Variants in FAM222B observed in about 807,000 individuals in gnomAD.
The protein encoded by FAM222B is protein FAM222B.
A neutral mutation model predicts 38.0 loss-of-function variants in FAM222B; 12 were observed. That is an observed-to-expected ratio of 0.32 (90% CI 0.20 to 0.51). FAM222B has a LOEUF of 0.51. Ranked by LOEUF, FAM222B falls within the 20% of genes least tolerant of loss-of-function variation. FAM222B has a pLI of 0.97. For synonymous variants in FAM222B, 329 were observed against 317.2 expected (o/e 1.04, Z -0.40); for missense variants, 716 against 754.2 (o/e 0.95, Z 0.59).
At chr17:28,829,085 T>C (rs2038553522) in intron 1 of FAM222B, among the ~76,000 whole-genome samples, 1 of 151,998 alleles carries the variant, frequency 6.6e-6, no homozygotes, top group South Asian at 2.1e-4. Context: ...TTTGTATTTT[T>C]AGTAGAGATG....
intron 2 of FAM222B, among the ~76,000 whole-genome samples, chr17:28,765,125 C>A (rs1336882189): frequency 1.3e-5 from 2 of 152,206 alleles, no homozygotes; most frequent in Non-Finnish European, 2.9e-5. Context: ...GGAGGACTAC[C>A]ACCTTCAGCT....
At chr17:28,853,121 A>C (rs1271262638) in intron 1 of FAM222B, among the ~76,000 whole-genome samples, 1 of 151,628 alleles carries the variant, frequency 6.6e-6, no homozygotes, top group Non-Finnish European at 1.5e-5. Context: ...TCAACCCGGG[A>C]AGTAGAGGTT....
chr17:28,782,181 G>A (rs2036193360), intron 1 of FAM222B, among the ~76,000 whole-genome samples: 2 of 152,134 alleles, frequency 1.3e-5, no homozygotes, highest in Non-Finnish European at 2.9e-5. Context: ...AATTAGCTGG[G>A]TGTGTTGGCA....
chr17:28,786,992 T>G (rs993835749), intron 1 of FAM222B, among the ~76,000 whole-genome samples: 2 of 141,576 alleles, frequency 1.4e-5, no homozygotes, highest in Non-Finnish European at 3.0e-5. Context: ...TGGTGCGATC[T>G]CCGCTCACGG....
intron 1 of FAM222B, among the ~76,000 whole-genome samples, chr17:28,770,571 ATT>A (rs777229068): frequency 2.3e-4 from 21 of 91,964 alleles, no homozygotes; most frequent in Admixed American, 2.4e-4. Context: ...CCCAGCTAAT[ATT>A]TTTTTTTTTT....
intron 1 of FAM222B, among the ~76,000 whole-genome samples, chr17:28,826,751 G>A (rs2038455158): frequency 6.6e-6 from 1 of 151,396 alleles, no homozygotes; most frequent in Admixed American, 6.6e-5. Flanking sequence ...CTCCATAACA[G>A]CAGGGACTTT....
chr17:28,785,272 G>A (rs2036353379), intron 1 of FAM222B, among the ~76,000 whole-genome samples: 2 of 152,094 alleles, frequency 1.3e-5, no homozygotes, highest in Admixed American at 1.3e-4. Flanking sequence ...CCTTTTAAAA[G>A]TGTTGAATTT....
At chr17:28,792,795 A>G (rs80248967) in intron 1 of FAM222B, among the ~76,000 whole-genome samples, 62,294 of 150,296 alleles carry the variant, frequency 0.41, 15,895 homozygotes, top group East Asian at 0.57. Flanking sequence ...AAAAAAAAAA[A>G]AAAGAAAGAA....
chr17:28,821,670 T>A (rs2038222777), intron 1 of FAM222B, among the ~76,000 whole-genome samples: 1 of 152,042 alleles, frequency 6.6e-6, no homozygotes, highest in Non-Finnish European at 1.5e-5. Flanking sequence ...TATAAAATAA[T>A]CGTACAGGGC....
intron 1 of FAM222B, among the ~76,000 whole-genome samples, chr17:28,854,518 C>A (rs77924683): frequency 2.4e-4 from 36 of 152,336 alleles, no homozygotes; most frequent in African/African-American, 8.2e-4. Context: ...GGAACCTAGC[C>A]TAAAGCAAAG....
intron 1 of FAM222B, among the ~76,000 whole-genome samples, chr17:28,777,468 T>C (rs1188468468): frequency 6.6e-6 from 1 of 152,186 alleles, no homozygotes; most frequent in Non-Finnish European, 1.5e-5. Flanking sequence ...AATTCTTTAT[T>C]ATTCAGGTAC....
intron 1 of FAM222B, among the ~76,000 whole-genome samples, chr17:28,807,107 C>T (rs1330190167): frequency 6.6e-6 from 1 of 151,808 alleles, no homozygotes; most frequent in Non-Finnish European, 1.5e-5. Flanking sequence ...CCTCTACCTC[C>T]TGGGTTCAAG....
At chr17:28,831,286 G>T (rs2038659202) in intron 1 of FAM222B, among the ~76,000 whole-genome samples, 1 of 151,984 alleles carries the variant, frequency 6.6e-6, no homozygotes, top group African/African-American at 2.4e-5. Flanking sequence ...AAGCCACCGT[G>T]CCCGGCCTGA....
At position 28,758,715 on chromosome 17, in the gene FAM222B, C is replaced by A. The variant is rs778976958; in HGVS notation, c.1244G>T (p.Cys415Phe). The change falls in exon 3 of 3, where the codon TGC becomes TTC. Residue 415 changes from cysteine to phenylalanine, a missense_variant. Physicochemically the swap from Cys to Phe is radical, Grantham distance 205. Coordinates refer to ENST00000581407, the MANE Select transcript of FAM222B (RefSeq NM_001077498.3). The stretch of plus-strand genomic sequence containing the variant: ...CTTCAGATGGAAGGACTGCGCCAGG[C>A]AGAGTTCCTGCGGGTAGGCAGGGGC... Reference protein sequence around the residue: ...GKAPAYPQELCLAQSFHLKPP... With the variant: ...GKAPAYPQELFLAQSFHLKPP... 1.9e-6 allele frequency: 3 copies of A among 1,593,468 alleles called. 1 individual carries two copies. The South Asian group carries it at 3.4e-5, about 18-fold the overall frequency.
chr17:28,762,125 T>G (rs1174788013), intron 2 of FAM222B: 1 of 152,182 alleles, frequency 6.6e-6, no homozygotes, highest in Non-Finnish European at 1.5e-5. Context: ...TTCTTTGTCC[T>G]GCCTCCACTG....
In FAM222B at chr17:28,758,592, T is replaced by C; in HGVS notation, c.1367A>G (p.Asn456Ser). Residue 456 changes from asparagine to serine, a missense_variant, in exon 3 of 3, where the codon AAC becomes AGC. By Grantham distance (46) the Asn-to-Ser change is conservative. Coordinates refer to ENST00000581407, the MANE Select transcript of FAM222B (RefSeq NM_001077498.3). ...GTCGCTATTGGGAGTGGGCAGAATGTTGTTCCACAGGGGTTGGAAGTAGTG... is the reference window on the plus strand; with the variant it reads ...GTCGCTATTGGGAGTGGGCAGAATGCTGTTCCACAGGGGTTGGAAGTAGTG... ...NGHYFQPLWN[N>S]ILPTPNSDSS... The C allele has an allele frequency of 6.2e-7, 1 of 1,610,888 alleles. No individual in the cohort carries two copies. Among genetic ancestry groups the C allele is most frequent in the Non-Finnish European group, 8.5e-7 (1 of 1,179,862 alleles).
intron 1 of FAM222B, among the ~76,000 whole-genome samples, chr17:28,838,210 G>T (rs1321084617): frequency 6.6e-6 from 1 of 151,922 alleles, no homozygotes; most frequent in Non-Finnish European, 1.5e-5. Flanking sequence ...TTGAGCCAGG[G>T]AGGCAGAGGT....
intron 1 of FAM222B, among the ~76,000 whole-genome samples, chr17:28,780,760 T>G (rs937586674): frequency 6.6e-6 from 1 of 151,926 alleles, no homozygotes; most frequent in African/African-American, 2.4e-5. Context: ...CAGGCACCTG[T>G]AATACCAGCT....
chr17:28,854,700 G>A (rs925700496), intron 1 of FAM222B, among the ~76,000 whole-genome samples: 3 of 152,174 alleles, frequency 2.0e-5, no homozygotes, highest in Non-Finnish European at 4.4e-5. Context: ...CTCCCTCGAT[G>A]GGAGGACGAT....
Sources: allele counts gnomAD v4.1 joint callset (sites outside exome capture counted in the v4.1 genomes callset), GRCh38; gene constraint gnomAD v4.1.1; transcripts MANE v1.5; gene names NCBI Gene and HGNC (gene_info 2026-07-23, HGNC 2026-07-21).